Variants in NRCAM observed in about 807,000 individuals in gnomAD.
The protein encoded by NRCAM is NgCAM-related cell adhesion molecule.
In NRCAM, 83 loss-of-function variants were observed where a neutral mutation model predicts 156.5. That is an observed-to-expected ratio of 0.53 (90% CI 0.44 to 0.64). The LOEUF (loss-of-function observed/expected upper bound fraction) is 0.64. Among genes scored for constraint, NRCAM ranks in the 30% least tolerant of loss-of-function variants. The pLI, the probability that NRCAM is intolerant of heterozygous loss-of-function variation, is 0.00. For missense variants in NRCAM, 1,417 were observed against 1,597.3 expected (o/e 0.89, Z 1.92); for synonymous variants, 538 against 563.9 (o/e 0.95, Z 0.65).
intron 11 of NRCAM, among the ~76,000 whole-genome samples, chr7:108,220,194 A>G (rs531143900): frequency 1.3e-5 from 2 of 152,146 alleles, no homozygotes; most frequent in Non-Finnish European, 2.9e-5. Context: ...TACAAAAAGA[A>G]ATCACAGACG....
In NRCAM at chr7:108,193,018, C is replaced by G. The variant is rs184290063; in HGVS notation, c.1778+1006G>C. 2.2e-4 allele frequency among the ~76,000 whole-genome samples: 34 copies of G among 152,252 alleles called. No homozygotes were observed. The East Asian group carries it at 5.8e-3, about 26-fold the overall frequency. ...AGCCACCTTAACCTGATGGTCATTT[C>G]TTTATGTTTCCTTTTAATCTTAAAG... On this transcript the variant is annotated intron_variant, in intron 17 of 32. Coordinates refer to ENST00000379028, the MANE Select transcript of NRCAM (RefSeq NM_001037132.4).
chr7:108,157,645 A>G (rs1237422793), intron 32 of NRCAM, among the ~76,000 whole-genome samples: 1 of 152,150 alleles, frequency 6.6e-6, no homozygotes, highest in Admixed American at 6.5e-5. Flanking sequence ...TTGGGCTTCC[A>G]GTATACCATC....
chr7:108,402,952 C>T (rs557269837), intron 1 of NRCAM, among the ~76,000 whole-genome samples: 3 of 130,992 alleles, frequency 2.3e-5, no homozygotes, highest in South Asian at 2.1e-4. Context: ...AAAGACCATA[C>T]GAGAGAGCAT....
At chr7:108,192,983 T>A (rs2072964737) in intron 17 of NRCAM, among the ~76,000 whole-genome samples, 1 of 152,180 alleles carries the variant, frequency 6.6e-6, no homozygotes, top group African/African-American at 2.4e-5. Flanking sequence ...AATTTCCAAG[T>A]AAAAGCTTCA....
intron 26 of NRCAM, chr7:108,176,859 G>T: frequency 3.9e-6 from 1 of 256,264 alleles, no homozygotes; most frequent in South Asian, 1.2e-4. Flanking sequence ...TAATAAACTA[G>T]AAGAATGTTG....
chr7:108,258,494 A>G (rs905059639), intron 3 of NRCAM, among the ~76,000 whole-genome samples: 2 of 152,130 alleles, frequency 1.3e-5, no homozygotes, highest in Non-Finnish European at 2.9e-5. Context: ...TTTTGCCTAT[A>G]AGGACATGAA....
intron 3 of NRCAM, among the ~76,000 whole-genome samples, chr7:108,256,313 T>C (rs2096658357): frequency 6.7e-6 from 1 of 150,204 alleles, no homozygotes; most frequent in Non-Finnish European, 1.5e-5. Context: ...GCTGTTAATC[T>C]ATAACCTTAC....
At chr7:108,227,354 AT>A (rs1026997797) in intron 8 of NRCAM, among the ~76,000 whole-genome samples, 5 of 152,210 alleles carry the variant, frequency 3.3e-5, no homozygotes, top group Non-Finnish European at 5.9e-5. Flanking sequence ...AACTGTACAT[AT>A]TTGTGGGGTA....
rs535951273 is a variant in NRCAM, at chr7:108,207,775, T to C, written c.1076-116A>G. 1.5e-4 allele frequency: 105 copies of C among 705,050 alleles called. No individual in the cohort carries two copies. In the African/African-American group the frequency reaches 1.8e-3, roughly 12 times the overall value. 43.7% of individuals were successfully genotyped at this position (705,050 alleles called of 1,614,324 possible). A position where few individuals can be genotyped will look rare whatever the true frequency, so the allele number is the denominator to read the frequency against. On this transcript the variant is annotated intron_variant, in intron 12 of 32. Coordinates refer to ENST00000379028, the MANE Select transcript of NRCAM (RefSeq NM_001037132.4). ...AGTACTTCACACTAAATTAGTCTCA[T>C]TTTTTTTGAGCGAATAGATTTATAA...
At chr7:108,199,887 T>C (rs2077059720) in intron 13 of NRCAM, among the ~76,000 whole-genome samples, 1 of 152,186 alleles carries the variant, frequency 6.6e-6, no homozygotes, top group African/African-American at 2.4e-5. Context: ...CCACATACTG[T>C]ATCACATTTA....
At chr7:108,388,381 C>A (rs1222149638) in intron 2 of NRCAM, among the ~76,000 whole-genome samples, 15 of 152,104 alleles carry the variant, frequency 9.9e-5, no homozygotes, top group Non-Finnish European at 2.1e-4. Flanking sequence ...CTGTTCGTAT[C>A]CTTTGCCCAC....
intron 3 of NRCAM, among the ~76,000 whole-genome samples, chr7:108,276,391 A>G (rs2097612550): frequency 6.6e-6 from 1 of 152,108 alleles, no homozygotes; most frequent in Non-Finnish European, 1.5e-5. Flanking sequence ...GGTCTTTAAG[A>G]ACTTGCTTTA....
chr7:108,200,388 G>A (rs752878506), intron 13 of NRCAM, among the ~76,000 whole-genome samples: 1 of 152,092 alleles, frequency 6.6e-6, no homozygotes, highest in South Asian at 2.1e-4. Context: ...TGAAAACACA[G>A]TGTACCTTAG....
chr7:108,213,156 T>G (rs918469580), intron 11 of NRCAM, among the ~76,000 whole-genome samples: 2 of 152,220 alleles, frequency 1.3e-5, no homozygotes, highest in East Asian at 3.9e-4. Flanking sequence ...AGCATCATAT[T>G]TGAAGGAAAG....
At chr7:108,429,801 G>T (rs545561993) in intron 1 of NRCAM, among the ~76,000 whole-genome samples, 1 of 152,306 alleles carries the variant, frequency 6.6e-6, no homozygotes, top group East Asian at 1.9e-4. Flanking sequence ...AGAAAATTAT[G>T]CAGTATTTAA....
intron 3 of NRCAM, among the ~76,000 whole-genome samples, chr7:108,274,942 C>T (rs550398292): frequency 5.9e-5 from 9 of 152,202 alleles, no homozygotes; most frequent in East Asian, 3.9e-4. Context: ...AGTTTTTTAG[C>T]ATGAAAGGCT....
intron 3 of NRCAM, among the ~76,000 whole-genome samples, chr7:108,262,278 C>T (rs776147565): frequency 6.6e-6 from 1 of 152,018 alleles, no homozygotes; most frequent in African/African-American, 2.4e-5. Context: ...CTTGATGCAC[C>T]CACCACCTCC....
At chr7:108,188,216 G>T (rs935216191) in intron 20 of NRCAM, among the ~76,000 whole-genome samples, 2 of 152,126 alleles carry the variant, frequency 1.3e-5, no homozygotes, top group Admixed American at 6.5e-5. Context: ...CATTAGGCAC[G>T]TGTGACTTCT....
At chr7:108,199,871 T>A (rs2077048267) in intron 13 of NRCAM, among the ~76,000 whole-genome samples, 1 of 152,226 alleles carries the variant, frequency 6.6e-6, no homozygotes, top group Non-Finnish European at 1.5e-5. Context: ...GGGATTATTC[T>A]GTCTACCACA....
Sources: gnomAD v4.1 joint callset for allele counts (sites outside exome capture counted in the v4.1 genomes callset) on GRCh38, gnomAD v4.1.1 for gene constraint, MANE v1.5 for transcripts, NCBI Gene and HGNC (gene_info 2026-07-23, HGNC 2026-07-21) for gene names.